The following HOXB4 variants were observed in gnomAD, a reference collection of about 807,000 sequenced individuals.
HOXB4 encodes the protein homeobox protein Hox-B4.
In HOXB4, 13 loss-of-function variants were observed where a neutral mutation model predicts 20.0. The ratio of observed to expected loss-of-function variants is 0.65; its 90% CI spans 0.42 to 1.03. HOXB4 has a LOEUF of 1.03. HOXB4 is among the 50% of genes least tolerant of loss of function. The pLI is 0.00. For missense variants in HOXB4, 343 were observed against 357.1 expected, an observed-to-expected ratio of 0.96 and a Z score of 0.32; for synonymous variants, 173 against 148.9, an observed-to-expected ratio of 1.16 and a Z score of -1.18.
Position 48,576,593 on chromosome 17 carries a change from A to C in HOXB4, c.*129T>G. 2.7e-6 allele frequency: 2 copies of C among 743,464 alleles called. No individual in the cohort carries two copies. Among genetic ancestry groups the C allele is most frequent in the Non-Finnish European group, 4.2e-6 (2 of 472,922 alleles). 46.1% of individuals were successfully genotyped at this position (743,464 alleles called of 1,614,324 possible). On this transcript the variant is annotated 3_prime_UTR_variant, in exon 2 of 2. Coordinates refer to ENST00000332503, the MANE Select transcript of HOXB4 (RefSeq NM_024015.5). Reference sequence around the variant, plus strand: ...CTCTTCTGCGTTTATTCGTATATAAAGTGTGGGGGAGGGCAGATAGATTTT... The same window carrying C: ...CTCTTCTGCGTTTATTCGTATATAACGTGTGGGGGAGGGCAGATAGATTTT...
intron 1 of HOXB4, 141 bp from the exon 2 acceptor site, chr17:48,577,161 C>T (rs2069793110): frequency 1.2e-6 from 1 of 841,552 alleles, no homozygotes; most frequent in African/African-American, 1.7e-5. Context: ...CGGGGAAAAA[C>T]GAAAAGGGAA....
chr17:48,578,028 G>A lies in HOXB4; in HGVS notation c.292C>T (p.Pro98Ser), dbSNP rs1231135097. The A allele has an allele frequency of 9.6e-6, 12 of 1,252,772 alleles. No homozygotes were observed. The highest frequency in any genetic ancestry group is 1.2e-5 in the Non-Finnish European group (12 of 996,072). 77.6% of individuals were successfully genotyped at this position (1,252,772 alleles called of 1,614,324 possible). Residue 98 changes from proline (P) to serine (S), a missense_variant, in exon 1 of 2, where the codon CCC becomes TCC. Physicochemically the swap from Pro to Ser is moderately conservative, Grantham distance 74. Around this residue, in one of 3 missense-constraint regions of HOXB4, gnomAD observed 241 missense variants for 222.0 expected, o/e 1.09. Coordinates refer to ENST00000332503, the MANE Select transcript of HOXB4 (RefSeq NM_024015.5). ...GLSPRAPAPPPAGALLPEPGQ... is the reference protein window; with the variant it reads ...GLSPRAPAPPSAGALLPEPGQ... ...GGCTCCGGGAGGAGGGCCCCGGCGG[G>A]TGGCGGCGCAGGAGCCCGAGGGGAC...
rs531181271 is a variant in HOXB4, at chr17:48,576,333, A to T, written c.*389T>A. The T allele has an allele frequency of 6.2e-6, 1 of 161,476 alleles. No individual in the cohort carries two copies. Among genetic ancestry groups the T allele is most frequent in the South Asian group, 2.0e-4 (1 of 4,940 alleles). 10.0% of individuals were successfully genotyped at this position (161,476 alleles called of 1,614,324 possible). A position where few individuals can be genotyped will look rare whatever the true frequency, so the allele number is the denominator to read the frequency against. On this transcript the variant is annotated 3_prime_UTR_variant, in exon 2 of 2. Coordinates refer to ENST00000332503, the MANE Select transcript of HOXB4 (RefSeq NM_024015.5). ...CTCCTCGGCAGAGGAAACAAGACAG[A>T]TGGGCCTGGACCTGGCGTGATTAAA...
In HOXB4 at chr17:48,578,088, G is replaced by T; in HGVS notation, c.232C>A (p.Pro78Thr). The change falls in exon 1 of 2, where the codon CCA becomes ACA. Residue 78 changes from proline (P) to threonine (T), a missense_variant. Transcript: ENST00000332503. ...GGTGGCGGGGGCGGCGGGGGTGGTG[G>T]CGGAGGCGGCGGGGGCCCAGGGTCC... ...CRDPGPPPPP[P>T]PPPPPPPPPG... 1.9e-6 allele frequency: 2 copies of T among 1,030,542 alleles called. No homozygotes were observed. Among genetic ancestry groups the T allele is most frequent in the Non-Finnish European group, 2.5e-6 (2 of 793,790 alleles). The allele number at this position is 1,030,542 out of a possible 1,614,324, so 63.8% of individuals were successfully genotyped here. A position where few individuals can be genotyped will look rare whatever the true frequency, so the allele number is the denominator to read the frequency against.
In HOXB4 at chr17:48,576,444, CCTT is replaced by C. The variant is rs1386046653; in HGVS notation, c.*275_*277del. The C allele has an allele frequency of 8.4e-6, 3 of 356,108 alleles. No homozygotes were observed. Among genetic ancestry groups the C allele is most frequent in the Admixed American group, 8.9e-5 (2 of 22,562 alleles). The allele number at this position is 356,108 out of a possible 1,614,324, so 22.1% of individuals were successfully genotyped here. A position where few individuals can be genotyped will look rare whatever the true frequency, so the allele number is the denominator to read the frequency against. On this transcript the variant is annotated 3_prime_UTR_variant, in exon 2 of 2. Coordinates refer to ENST00000332503, the MANE Select transcript of HOXB4 (RefSeq NM_024015.5). ...TTCTCTTTCTGTCTTTTTCTTTCTT[CCTT>C]CTTCTTGCTTTTTCTTTTTCTTTTT...
Position 48,576,629 on chromosome 17 carries a change from A to AGGCCCCAGGGCCCCC in HOXB4, c.*78_*92dup. On this transcript the variant is annotated 3_prime_UTR_variant, in exon 2 of 2. Coordinates refer to ENST00000332503, the MANE Select transcript of HOXB4 (RefSeq NM_024015.5). ...GGGCAGATAGATTTTTCCGGGGCCC[A>AGGCCCCAGGGCCCCC]GGCCCCAGGGCCCCCTCCTGTCCCC... is the stretch of plus-strand genomic sequence containing the variant. The AGGCCCCAGGGCCCCC allele has an allele frequency of 8.5e-7, 1 of 1,179,080 alleles. No homozygotes were observed. The highest frequency in any genetic ancestry group is 1.2e-6 in the Non-Finnish European group (1 of 869,058). 73.0% of individuals were successfully genotyped at this position (1,179,080 alleles called of 1,614,324 possible).
intron 1 of HOXB4, 46 bp from the exon 2 acceptor site, chr17:48,577,066 C>T (rs750126056): frequency 6.6e-7 from 1 of 1,504,822 alleles, no homozygotes; most frequent in Non-Finnish European, 8.9e-7. Flanking sequence ...TTTATTGCCC[C>T]CGAAAGAGAG....
chr17:48,575,611 G>C lies in HOXB4; in HGVS notation c.*1111C>G, dbSNP rs1402722664. On this transcript the variant is annotated 3_prime_UTR_variant, in exon 2 of 2. Coordinates refer to ENST00000332503, the MANE Select transcript of HOXB4 (RefSeq NM_024015.5). ...TAGACTCAAGCAGCCCCAGAGGTAG[G>C]AAGGGGCCTGGTTTTGGAATGTCAG... is the stretch of plus-strand genomic sequence containing the variant. The C allele has an allele frequency of 2.0e-5, 3 of 152,520 alleles. No individual in the cohort carries two copies. The highest frequency in any genetic ancestry group is 7.2e-5 in the African/African-American group (3 of 41,440). 9.4% of individuals were successfully genotyped at this position (152,520 alleles called of 1,614,324 possible).
chr17:48,576,612 A>C lies in HOXB4; in HGVS notation c.*110T>G. The C allele has an allele frequency of 1.1e-6, 1 of 940,338 alleles. No individual in the cohort carries two copies. Among genetic ancestry groups the C allele is most frequent in the Non-Finnish European group, 1.5e-6 (1 of 649,874 alleles). 58.2% of individuals were successfully genotyped at this position (940,338 alleles called of 1,614,324 possible). A position where few individuals can be genotyped will look rare whatever the true frequency, so the allele number is the denominator to read the frequency against. On this transcript the variant is annotated 3_prime_UTR_variant, in exon 2 of 2. Coordinates refer to ENST00000332503, the MANE Select transcript of HOXB4 (RefSeq NM_024015.5). ...ATATAAAGTGTGGGGGAGGGCAGAT[A>C]GATTTTTCCGGGGCCCAGGCCCCAG...
chr17:48,578,232 G>T lies in HOXB4; in HGVS notation c.88C>A (p.Pro30Thr). The T allele has an allele frequency of 6.2e-7, 1 of 1,614,068 alleles. No homozygotes were observed. Among genetic ancestry groups the T allele is most frequent in the African/African-American group, 1.3e-5 (1 of 75,042 alleles). Reference protein sequence around the residue: ...CEEYSQSDYLPSDHSPGYYAG... With the variant: ...CEEYSQSDYLTSDHSPGYYAG... The stretch of plus-strand genomic sequence containing the variant: ...TAGTACCCGGGCGAGTGGTCGCTGG[G>T]TAGGTAATCGCTCTGTGAATATTCC... The change falls in exon 1 of 2, where the codon CCC becomes ACC. Residue 30 changes from proline (P) to threonine (T), a missense_variant. Pro to Thr is a conservative substitution (Grantham distance 38). Coordinates refer to ENST00000332503, the MANE Select transcript of HOXB4 (RefSeq NM_024015.5).
intron 1 of HOXB4, 117 bp from the exon 2 acceptor site, chr17:48,577,137 C>A: frequency 9.7e-7 from 1 of 1,032,330 alleles, no homozygotes; most frequent in South Asian, 1.6e-5. Context: ...CCTCTTCTTC[C>A]TTCTGAGGGA....
At position 48,575,877 on chromosome 17, in the gene HOXB4, G is replaced by A. The variant is rs1411304437; in HGVS notation, c.*845C>T. 1 of 152,520 alleles carries A rather than the reference G, an allele frequency of 6.6e-6. No individual in the cohort carries two copies. Among genetic ancestry groups the A allele is most frequent in the East Asian group, 1.9e-4 (1 of 5,182 alleles). 9.4% of individuals were successfully genotyped at this position (152,520 alleles called of 1,614,324 possible). ...AGTGCCCAGCTCCCAGAACTCAACT[G>A]GCCCCTCACCCTGCCAAGCATGGCT... is the stretch of plus-strand genomic sequence containing the variant. On this transcript the variant is annotated 3_prime_UTR_variant, in exon 2 of 2. Coordinates refer to ENST00000332503, the MANE Select transcript of HOXB4 (RefSeq NM_024015.5).
rs897983702 is a variant in HOXB4 at position 48,576,915 on chromosome 17, G to A, written c.563C>T (p.Thr188Ile). The A allele has an allele frequency of 1.9e-6, 3 of 1,614,148 alleles. No individual in the cohort carries two copies. In the African/African-American group the frequency reaches 4.0e-5, roughly 22 times the overall value. Reference protein sequence around the residue: ...EKEFHYNRYLTRRRRVEIAHA... With the variant: ...EKEFHYNRYLIRRRRVEIAHA... ...GGCGATCTCCACCCTCCGGCGCCGT[G>A]TCAGGTAGCGGTTGTAGTGAAATTC... Residue 188 changes from threonine to isoleucine, a missense_variant, in exon 2 of 2, where the codon ACA becomes ATA. Around this residue, in one of 3 missense-constraint regions of HOXB4, gnomAD observed 54 missense variants for 90.3 expected, o/e 0.60. Transcript: ENST00000332503.
chr17:48,578,163 C>T lies in HOXB4; in HGVS notation c.157G>A (p.Gly53Ser), dbSNP rs200945027. Residue 53 changes from glycine to serine, a missense_variant, in exon 1 of 2, where the codon GGC (glycine) becomes AGC (serine). Transcript: ENST00000332503. ...GTGCACGCCGCGCGCCGCCCGAAGC[C>T]CGCCTCCGGCTGGAAGCTGCTCTCT... ...RRESSFQPEA[G>S]FGRRAACTVQ... 1.9e-6 allele frequency: 3 copies of T among 1,605,686 alleles called. No individual in the cohort carries two copies. The East Asian group carries it at 6.7e-5, about 36-fold the overall frequency.
intron 1 of HOXB4, among the ~76,000 whole-genome samples, chr17:48,577,396 G>A (rs1045739466): frequency 2.6e-5 from 4 of 152,186 alleles, no homozygotes; most frequent in Non-Finnish European, 4.4e-5. Flanking sequence ...TCCCACCCTT[G>A]CTGCTCAGAT....
chr17:48,576,350 G>A lies in HOXB4; in HGVS notation c.*372C>T, dbSNP rs1205834202. The A allele has an allele frequency of 5.8e-6, 1 of 172,776 alleles. No individual in the cohort carries two copies. Among genetic ancestry groups the A allele is most frequent in the Admixed American group, 6.2e-5 (1 of 16,150 alleles). 10.7% of individuals were successfully genotyped at this position (172,776 alleles called of 1,614,324 possible). A position where few individuals can be genotyped will look rare whatever the true frequency, so the allele number is the denominator to read the frequency against. ...CAAGACAGATGGGCCTGGACCTGGC[G>A]TGATTAAAGATGAAACGTGGATCCA... On this transcript the variant is annotated 3_prime_UTR_variant, in exon 2 of 2. Coordinates refer to ENST00000332503, the MANE Select transcript of HOXB4 (RefSeq NM_024015.5).
intron 1 of HOXB4, among the ~76,000 whole-genome samples, chr17:48,577,254 AG>A (rs1238977288): frequency 6.6e-6 from 1 of 152,120 alleles, no homozygotes; most frequent in Non-Finnish European, 1.5e-5. Flanking sequence ...GTGGTGGGGA[AG>A]GGGGGCGTGT....
Position 48,578,202 on chromosome 17 carries a change from C to A in HOXB4, c.118G>T (p.Gly40Cys). The change falls in exon 1 of 2, where the codon GGC becomes TGC. Residue 40 changes from glycine to cysteine, a missense_variant. This residue lies in a region of HOXB4 where 241 missense variants were observed against 222.0 expected (regional missense o/e 1.09). Coordinates refer to ENST00000332503, the MANE Select transcript of HOXB4 (RefSeq NM_024015.5). ...PSDHSPGYYA[G>C]GQRRESSFQP... Reference sequence around the variant, plus strand: ...AAGCTGCTCTCTCGCCTCTGGCCGCCGGCGTAGTACCCGGGCGAGTGGTCG... The same window carrying A: ...AAGCTGCTCTCTCGCCTCTGGCCGCAGGCGTAGTACCCGGGCGAGTGGTCG... 1.2e-6 allele frequency: 2 copies of A among 1,613,600 alleles called. No homozygotes were observed. Among genetic ancestry groups the A allele is most frequent in the Non-Finnish European group, 1.7e-6 (2 of 1,179,794 alleles).
chr17:48,577,651 T>C (rs1176867340), intron 1 of HOXB4, among the ~76,000 whole-genome samples: 2 of 151,996 alleles, frequency 1.3e-5, no homozygotes, highest in African/African-American at 4.8e-5. Flanking sequence ...GGAACCTACT[T>C]CAAAGGCGCA....
Sources: gnomAD v4.1 joint callset for allele counts (sites outside exome capture counted in the v4.1 genomes callset) on GRCh38, gnomAD v4.1.1 for gene constraint, gnomAD v4.1.1 regional missense constraint, MANE v1.5 for transcripts, NCBI Gene and HGNC (gene_info 2026-07-23, HGNC 2026-07-21) for gene names.